ZC3H13: variants seen among roughly 807,000 people sequenced by gnomAD.
ZC3H13 encodes the protein zinc finger CCCH domain-containing protein 13.
ZC3H13 carries 64 observed loss-of-function variants against 204.1 expected under a neutral mutation model. The ratio of observed to expected loss-of-function variants is 0.31; its 90% CI spans 0.26 to 0.39. The LOEUF is 0.39. Ranked by LOEUF, ZC3H13 falls within the 10% of genes least tolerant of loss-of-function variation. The pLI, the probability that ZC3H13 is intolerant of heterozygous loss-of-function variation, is 1.00. For synonymous variants in ZC3H13, 667 were observed against 693.7 expected (o/e 0.96, Z 0.60); for missense variants, 1,833 against 2,082.7 (o/e 0.88, Z 2.33).
At chr13:45,980,945 G>C (rs1364232512) in intron 10 of ZC3H13, among the ~76,000 whole-genome samples, 1 of 152,188 alleles carries the variant, frequency 6.6e-6, no homozygotes, top group African/African-American at 2.4e-5. Flanking sequence ...AATGTCAATT[G>C]TTTGGTTTTG....
intron 1 of ZC3H13, among the ~76,000 whole-genome samples, chr13:46,047,578 T>C (rs762748619): frequency 6.7e-6 from 1 of 148,936 alleles, no homozygotes; most frequent in African/African-American, 2.5e-5. Flanking sequence ...AAATTTCCTA[T>C]GTCTATTTGA....
intron 10 of ZC3H13, among the ~76,000 whole-genome samples, chr13:45,982,600 A>G (rs1953743313): frequency 6.6e-6 from 1 of 152,222 alleles, no homozygotes; most frequent in Admixed American, 6.5e-5. Context: ...CAAGAAAAAT[A>G]CAGGCTGAAT....
chr13:46,010,363 A>G lies in ZC3H13; in HGVS notation c.731T>C (p.Leu244Pro). ...DRKTSAVSSP[L>P]LDQQRNSKTN... ...CCCTACTGACCTCTGCTGGTCCAACAGGGGAGAAGATACTGCAGATGTCTT... is the reference window on the plus strand; with the variant it reads ...CCCTACTGACCTCTGCTGGTCCAACGGGGGAGAAGATACTGCAGATGTCTT... Residue 244 changes from leucine (L) to proline (P), a missense_variant, in exon 7 of 19, where the codon CTG becomes CCG. Coordinates refer to ENST00000679008, the MANE Select transcript of ZC3H13 (RefSeq NM_001330564.2). 3 of 1,612,222 alleles carry G rather than the reference A, an allele frequency of 1.9e-6. No homozygotes were observed. Among genetic ancestry groups the G allele is most frequent in the Non-Finnish European group, 1.7e-6 (2 of 1,178,590 alleles).
chr13:45,997,510 A>C (rs1276455549), intron 8 of ZC3H13, among the ~76,000 whole-genome samples: 1 of 152,210 alleles, frequency 6.6e-6, no homozygotes, highest in Non-Finnish European at 1.5e-5. Flanking sequence ...TAGACCCCTA[A>C]AATCCACCAG....
chr13:45,980,931 T>C (rs949793348), intron 10 of ZC3H13, among the ~76,000 whole-genome samples: 1 of 152,222 alleles, frequency 6.6e-6, no homozygotes, highest in Non-Finnish European at 1.5e-5. Flanking sequence ...CTATGGATTG[T>C]ACCAATGTCA....
intron 5 of ZC3H13, among the ~76,000 whole-genome samples, chr13:46,017,374 A>G (rs1340010916): frequency 6.6e-6 from 1 of 152,114 alleles, no homozygotes; most frequent in South Asian, 2.1e-4. Context: ...GTTTCCCAGA[A>G]TATGTGATGT....
Position 46,009,849 on chromosome 13 carries a change from G to A in ZC3H13, c.746+499C>T, listed in dbSNP as rs79716738. On this transcript the variant is annotated intron_variant, in intron 7 of 18. Coordinates refer to ENST00000679008, the MANE Select transcript of ZC3H13 (RefSeq NM_001330564.2). Reference sequence around the variant, plus strand: ...TATAATTTGTAGCAGTTTAAAAATCGGAAACAACATAAATGTTCCACAGAA... The same window carrying A: ...TATAATTTGTAGCAGTTTAAAAATCAGAAACAACATAAATGTTCCACAGAA... 2.5e-4 allele frequency among the ~76,000 whole-genome samples: 38 copies of A among 151,820 alleles called. 1 individual carries two copies. The East Asian group carries it at 7.0e-3, about 28-fold the overall frequency.
rs1952183715 is a variant in ZC3H13 at position 45,967,411 on chromosome 13, A to G, written c.4321+93T>C. On this transcript the variant is annotated intron_variant, in intron 15 of 18. Transcript: ENST00000679008. ...AATGGAGAATGGAGTCAATTTGCCCATTAGTGGGTGCCCTTTCAAAAGAAA... is the reference window on the plus strand; with the variant it reads ...AATGGAGAATGGAGTCAATTTGCCCGTTAGTGGGTGCCCTTTCAAAAGAAA... 4 of 1,428,708 alleles carry G rather than the reference A, an allele frequency of 2.8e-6. No homozygotes were observed. The Admixed American group carries it at 1.0e-4, about 36-fold the overall frequency. 88.5% of individuals were successfully genotyped at this position (1,428,708 alleles called of 1,614,324 possible).
intron 7 of ZC3H13, among the ~76,000 whole-genome samples, chr13:46,008,372 T>C (rs2041304537): frequency 6.6e-6 from 1 of 152,096 alleles, no homozygotes; most frequent in South Asian, 2.1e-4. Context: ...TTTCTTTGTA[T>C]TTTTAATATA....
rs545732895 is a variant in ZC3H13, at chr13:45,998,644, G to A, written c.944+4495C>T. On this transcript the variant is annotated intron_variant, in intron 8 of 18. Transcript: ENST00000679008. ...AGCCTGGGTGACACAGCGAAACTCC[G>A]TCTCAAAAAAAAAAATAAAAGTACA... Among the ~76,000 whole-genome samples the A allele has an allele frequency of 1.2e-4, 18 of 149,818 alleles. 1 individual carries two copies. The South Asian group carries it at 2.3e-3, about 19-fold the overall frequency.
chr13:45,980,534 A>C (rs1022657274), intron 10 of ZC3H13, among the ~76,000 whole-genome samples: 3 of 152,218 alleles, frequency 2.0e-5, no homozygotes, highest in African/African-American at 7.2e-5. Context: ...ATGTCTTTCA[A>C]TGGATGAACA....
intron 1 of ZC3H13, among the ~76,000 whole-genome samples, chr13:46,050,596 C>A (rs1208414227): frequency 6.6e-6 from 1 of 152,136 alleles, no homozygotes; most frequent in African/African-American, 2.4e-5. Context: ...GGTATCTTCA[C>A]ATTTATACTT....
At chr13:46,033,294 C>G (rs542177348) in intron 4 of ZC3H13, among the ~76,000 whole-genome samples, 1 of 151,952 alleles carries the variant, frequency 6.6e-6, no homozygotes, top group Non-Finnish European at 1.5e-5. Context: ...TTAAAATGTA[C>G]GAATTTGACT....
At chr13:46,036,160 A>G (rs2043197354) in intron 4 of ZC3H13, among the ~76,000 whole-genome samples, 1 of 152,052 alleles carries the variant, frequency 6.6e-6, no homozygotes, top group Admixed American at 6.6e-5. Context: ...GAAAAAAAAA[A>G]AAAAAGAACA....
chr13:46,006,544 C>T (rs977915643), intron 7 of ZC3H13, among the ~76,000 whole-genome samples: 1 of 150,580 alleles, frequency 6.6e-6, no homozygotes, highest in Non-Finnish European at 1.5e-5. Context: ...AGTGTTCAGT[C>T]TGGTACTAGG....
intron 4 of ZC3H13, among the ~76,000 whole-genome samples, chr13:46,029,266 T>C (rs531356526): frequency 1.3e-5 from 2 of 152,244 alleles, no homozygotes; most frequent in Non-Finnish European, 2.9e-5. Flanking sequence ...AACAAGCAAT[T>C]TAAATAGGTA....
chr13:45,975,477 CCTCT>C lies in ZC3H13; in HGVS notation c.2270_2273del (p.Glu757GlyfsTer107), dbSNP rs755554458. On this transcript the variant is annotated frameshift_variant, in exon 12 of 19. Coordinates refer to ENST00000679008, the MANE Select transcript of ZC3H13 (RefSeq NM_001330564.2). LOFTEE classifies it high-confidence loss of function. The stretch of plus-strand genomic sequence containing the variant: ...CTCTCTCCCGTTCTCGCTCTCTCTC[CCTCT>C]CTCTCTCTTCTCTTTCTCGTTCCCG... 3 of 1,611,114 alleles carry C rather than the reference CCTCT, an allele frequency of 1.9e-6. No individual in the cohort carries two copies. Among genetic ancestry groups the C allele is most frequent in the African/African-American group, 2.7e-5 (2 of 74,214 alleles).
At position 45,969,327 on chromosome 13, in the gene ZC3H13, G is replaced by T; in HGVS notation, c.3217C>A (p.Pro1073Thr). The change falls in exon 14 of 19, where the codon CCT becomes ACT. Residue 1073 changes from proline (P) to threonine (T), a missense_variant. This residue lies in a region of ZC3H13 where 1,574 missense variants were observed against 1,757.2 expected (regional missense o/e 0.90). Transcript: ENST00000679008. ...AFSDWSDEDV[P>T]DRTEVTEAEH... is the part of the protein sequence containing the mutation. ...GCTTCTGTCACCTCTGTACGGTCAG[G>T]GACATCCTCATCAGACCAGTCACTG... 1 of 1,613,852 alleles carries T rather than the reference G, an allele frequency of 6.2e-7. No homozygotes were observed. The highest frequency in any genetic ancestry group is 8.5e-7 in the Non-Finnish European group (1 of 1,179,978).
chr13:46,032,593 T>C (rs1328508571), intron 4 of ZC3H13, among the ~76,000 whole-genome samples: 2 of 152,198 alleles, frequency 1.3e-5, no homozygotes, highest in African/African-American at 4.8e-5. Flanking sequence ...TGTCATTATG[T>C]AGTAAGATTA....
Sources: gnomAD v4.1 joint callset for allele counts (sites outside exome capture counted in the v4.1 genomes callset) on GRCh38, gnomAD v4.1.1 for gene constraint, gnomAD v4.1.1 regional missense constraint, MANE v1.5 for transcripts, NCBI Gene and HGNC (gene_info 2026-07-23, HGNC 2026-07-21) for gene names.